The following RAP1GDS1 variants were observed in gnomAD, a reference collection of about 807,000 sequenced individuals.
The protein encoded by RAP1GDS1 is Rap1 GTPase-GDP dissociation stimulator 1, also known as RAP1, GTP-GDP dissociation stimulator 1.
Under a neutral mutation model 71.1 loss-of-function variants are expected in RAP1GDS1, and 35 were observed. The ratio of observed to expected loss-of-function variants is 0.49; its 90% confidence interval spans 0.38 to 0.65. The LOEUF is 0.65. Among genes scored for constraint, RAP1GDS1 ranks in the 30% least tolerant of loss-of-function variants. RAP1GDS1 has a pLI of 0.00. For missense variants in RAP1GDS1, 663 were observed against 706.1 expected (o/e 0.94, Z 0.69); for synonymous variants, 229 against 243.1 (o/e 0.94, Z 0.54).
At chr4:98,414,562 T>C (rs1277855902) in intron 7 of RAP1GDS1, among the ~76,000 whole-genome samples, 3 of 151,170 alleles carry the variant, frequency 2.0e-5, no homozygotes, top group Middle Eastern at 6.8e-3. Context: ...TCTGTTCTGT[T>C]CCAATGATCT....
chr4:98,270,853 A>G (rs531461273), intron 1 of RAP1GDS1, among the ~76,000 whole-genome samples: 29 of 152,238 alleles, frequency 1.9e-4, no homozygotes, highest in Admixed American at 4.6e-4. Context: ...AAGAGTGACT[A>G]TAATAAGGAT....
At chr4:98,359,397 A>C (rs1738409408) in intron 4 of RAP1GDS1, among the ~76,000 whole-genome samples, 1 of 152,156 alleles carries the variant, frequency 6.6e-6, no homozygotes, top group Non-Finnish European at 1.5e-5. Flanking sequence ...AGATAAATGA[A>C]AGTATAAAAA....
intron 5 of RAP1GDS1, among the ~76,000 whole-genome samples, chr4:98,391,650 T>C (rs954997962): frequency 9.2e-5 from 14 of 152,266 alleles, no homozygotes; most frequent in African/African-American, 2.6e-4. Context: ...TTTATACTTA[T>C]TAAAAGCCTG....
At chr4:98,329,450 AG>A (rs1376589171) in intron 2 of RAP1GDS1, among the ~76,000 whole-genome samples, 1 of 152,178 alleles carries the variant, frequency 6.6e-6, no homozygotes, top group African/African-American at 2.4e-5. Context: ...TAGAAAAAAA[AG>A]ATTTAGTCCA....
At chr4:98,312,445 A>G (rs908673791) in intron 2 of RAP1GDS1, among the ~76,000 whole-genome samples, 1 of 152,080 alleles carries the variant, frequency 6.6e-6, no homozygotes, top group African/African-American at 2.4e-5. Context: ...CTCCCTAACA[A>G]ATCCTCTGTA....
intron 5 of RAP1GDS1, chr4:98,379,368 T>C: frequency 1.9e-6 from 1 of 518,230 alleles, no homozygotes; most frequent in South Asian, 3.8e-5. Context: ...TTTGAAGGGC[T>C]GCCAGTTTTG....
chr4:98,415,994 G>A (rs964121659), intron 7 of RAP1GDS1, among the ~76,000 whole-genome samples: 2 of 152,090 alleles, frequency 1.3e-5, no homozygotes, highest in Non-Finnish European at 2.9e-5. Flanking sequence ...ATAGCTTACT[G>A]TAACCTTGAA....
At position 98,435,319 on chromosome 4, in the gene RAP1GDS1, G is replaced by C. The variant is rs147161401; in HGVS notation, c.1567+1257G>C. ...TCAAGTCAAGGTGTATAGGATATCTGTCTCCTTGAATGGTCTGTTGGTGAC... is the reference window on the plus strand; with the variant it reads ...TCAAGTCAAGGTGTATAGGATATCTCTCTCCTTGAATGGTCTGTTGGTGAC... On this transcript the variant is annotated intron_variant, in intron 13 of 14. Coordinates refer to ENST00000408927, the MANE Select transcript of RAP1GDS1 (RefSeq NM_001100427.2). Among the ~76,000 whole-genome samples the C allele has an allele frequency of 2.3e-3, 347 of 152,232 alleles. 10 individuals are homozygous for C. The East Asian group carries it at 0.055, about 24-fold the overall frequency.
intron 1 of RAP1GDS1, among the ~76,000 whole-genome samples, chr4:98,272,881 C>T (rs1284186376): frequency 6.6e-6 from 1 of 152,160 alleles, no homozygotes; most frequent in African/African-American, 2.4e-5. Context: ...TGAGAGAAGA[C>T]AACGCTTTAA....
intron 2 of RAP1GDS1, among the ~76,000 whole-genome samples, chr4:98,323,244 G>C (rs1732292529): frequency 6.8e-6 from 1 of 147,436 alleles, no homozygotes; most frequent in Non-Finnish European, 1.5e-5. Context: ...TCTCTGAATA[G>C]ACCAATAACA....
At chr4:98,383,360 A>G (rs1742286212) in intron 5 of RAP1GDS1, among the ~76,000 whole-genome samples, 1 of 151,564 alleles carries the variant, frequency 6.6e-6, no homozygotes, top group Admixed American at 6.6e-5. Flanking sequence ...TAAAATTATT[A>G]ACATATGCAG....
intron 4 of RAP1GDS1, among the ~76,000 whole-genome samples, chr4:98,365,286 G>T (rs1376724155): frequency 1.3e-5 from 2 of 151,946 alleles, no homozygotes; most frequent in African/African-American, 2.4e-5. Flanking sequence ...CTATTGCTTT[G>T]TATTGTTTTC....
chr4:98,381,451 G>A (rs1742009914), intron 5 of RAP1GDS1, among the ~76,000 whole-genome samples: 1 of 151,266 alleles, frequency 6.6e-6, no homozygotes, highest in Non-Finnish European at 1.5e-5. Context: ...CGTCTTTATT[G>A]TTTTGTCCAT....
rs377606384 is a variant in RAP1GDS1 at position 98,380,487 on chromosome 4, TG to T, written c.508+1325del. On this transcript the variant is annotated intron_variant, in intron 5 of 14. Coordinates refer to ENST00000408927, the MANE Select transcript of RAP1GDS1 (RefSeq NM_001100427.2). ...GATCAAATGGCTTACATATTAAACT[TG>T]AGCTAATAATAAATGGTAGTCTTCA... 3.5e-3 allele frequency among the ~76,000 whole-genome samples: 539 copies of T among 151,928 alleles called. 3 individuals carry two copies. Among genetic ancestry groups the T allele is most frequent in the African/African-American group, 0.012 (505 of 41,510 alleles).
At chr4:98,336,024 T>C (rs28372185) in intron 2 of RAP1GDS1, among the ~76,000 whole-genome samples, 21,207 of 152,148 alleles carry the variant, frequency 0.14, 2,125 homozygotes, top group African/African-American at 0.28. Context: ...TTGCAGATGC[T>C]AAATCTCTTT....
intron 1 of RAP1GDS1, among the ~76,000 whole-genome samples, chr4:98,265,061 G>T (rs1027217245): frequency 6.6e-6 from 1 of 152,150 alleles, no homozygotes; most frequent in African/African-American, 2.4e-5. Context: ...TTAAGTGATG[G>T]ATCACATCTG....
chr4:98,386,666 A>G (rs1362478704), intron 5 of RAP1GDS1, among the ~76,000 whole-genome samples: 2 of 151,718 alleles, frequency 1.3e-5, no homozygotes, highest in Admixed American at 6.6e-5. Flanking sequence ...CATGTTTGAT[A>G]TAAAGAAGGC....
chr4:98,441,997 A>G lies in RAP1GDS1; in HGVS notation c.1704A>G (p.Leu568=), dbSNP rs1439485972. 6.2e-7 allele frequency: 1 copy of G among 1,613,856 alleles called. No individual in the cohort carries two copies. Residue 568 remains leucine, a synonymous_variant, in exon 15 of 15, where the codon CTA becomes CTG. Transcript: ENST00000408927. ...TATTTTTTTGTCTTCCAGAATGTCT[A>G]CACAAGGAAGTACAGGATTTGGCTT... ...LICALMGSEC[L]HKEVQDLAFL...
chr4:98,432,724 G>C lies in RAP1GDS1; in HGVS notation c.1441-1212G>C, dbSNP rs553256636. ...ACAATTAATTTTGAAGCTGACTCAG[G>C]CTTTTTAAAATGTCCAGACCTTCAA... On this transcript the variant is annotated intron_variant, in intron 12 of 14. Coordinates refer to ENST00000408927, the MANE Select transcript of RAP1GDS1 (RefSeq NM_001100427.2). 2.5e-3 allele frequency among the ~76,000 whole-genome samples: 374 copies of C among 152,074 alleles called. 1 individual carries two copies. The highest frequency in any genetic ancestry group is 3.6e-3 in the Non-Finnish European group (242 of 67,940).
Sources: gnomAD v4.1 joint callset for allele counts (sites outside exome capture counted in the v4.1 genomes callset) on GRCh38, gnomAD v4.1.1 for gene constraint, MANE v1.5 for transcripts, NCBI Gene and HGNC (gene_info 2026-07-23, HGNC 2026-07-21) for gene names.